Variants in PIWIL3 observed in about 807,000 individuals in gnomAD.
PIWIL3 encodes the protein piwi like RNA-mediated gene silencing 3, also known as piwi-like protein 3.
A neutral mutation model predicts 109.7 loss-of-function variants in PIWIL3; 101 were observed. That is an observed-to-expected ratio of 0.92 (90% CI 0.78 to 1.09). The LOEUF is 1.09. PIWIL3 is among the 50% of genes least tolerant of loss of function. The pLI, the probability that PIWIL3 is intolerant of heterozygous loss-of-function variation, is 0.00. For missense variants in PIWIL3, 1,031 were observed against 1,072.6 expected (o/e 0.96, Z 0.54); for synonymous variants, 373 against 376.4 (o/e 0.99, Z 0.10).
chr22:24,721,328 T>G (rs908613935), intron 19 of PIWIL3, among the ~76,000 whole-genome samples: 1 of 152,226 alleles, frequency 6.6e-6, no homozygotes, highest in African/African-American at 2.4e-5. Flanking sequence ...TAAATTTTCT[T>G]ATGCCTGCTG....
chr22:24,719,074 C>CA lies in PIWIL3; in HGVS notation c.*397dup, dbSNP rs998442356. The CA allele has an allele frequency of 1.4e-4, 21 of 152,996 alleles. No homozygotes were observed. The highest frequency in any genetic ancestry group is 2.6e-4 in the Admixed American group (4 of 15,416). The allele number at this position is 152,996 out of a possible 1,614,324, so 9.5% of individuals were successfully genotyped here. A position where few individuals can be genotyped will look rare whatever the true frequency, so the allele number is the denominator to read the frequency against. ...TATGTCTTCCTTTCCTGTCCTTTAA[C>CA]AAAAAAAAGTTTCAAAAATAAAGTA... On this transcript the variant is annotated 3_prime_UTR_variant, in exon 21 of 21. Transcript: ENST00000616349.
rs1012208639 is a variant in PIWIL3, at chr22:24,735,822, A to G, written c.1520T>C (p.Leu507Pro). Residue 507 changes from leucine to proline, a missense_variant, in exon 13 of 21, where the codon CTA becomes CCA. Leu to Pro is a moderately conservative substitution (Grantham distance 98). Coordinates refer to ENST00000616349, the MANE Select transcript of PIWIL3 (RefSeq NM_001255975.1). ...RELPLLNAMPLHSWLILYSRS... is the reference protein window; with the variant it reads ...RELPLLNAMPPHSWLILYSRS... The stretch of plus-strand genomic sequence containing the variant: ...GCTATAGAGTATGAGCCAACTATGT[A>G]GTGGCATTGCATTAAGTAAGGGTAA... 6.2e-7 allele frequency: 1 copy of G among 1,613,448 alleles called. No homozygotes were observed. Among genetic ancestry groups the G allele is most frequent in the Non-Finnish European group, 8.5e-7 (1 of 1,179,428 alleles).
intron 1 of PIWIL3, among the ~76,000 whole-genome samples, chr22:24,765,655 G>T (rs1226254002): frequency 1.3e-5 from 2 of 151,938 alleles, no homozygotes. Context: ...ATCATCCTTT[G>T]TTCTGAGCAT....
In PIWIL3 at chr22:24,754,867, G is replaced by A. The variant is rs1350114269; in HGVS notation, c.693-3C>T. The A allele has an allele frequency of 6.2e-7, 1 of 1,609,828 alleles. No individual in the cohort carries two copies. The highest frequency in any genetic ancestry group is 8.5e-7 in the Non-Finnish European group (1 of 1,176,362). Reference sequence around the variant, plus strand: ...CAAAATCCAGCAGCTTGAAAGTTCTGGAAATGGAAAGAATAGATTTTGTTG... The same window carrying A: ...CAAAATCCAGCAGCTTGAAAGTTCTAGAAATGGAAAGAATAGATTTTGTTG... On this transcript the variant is annotated splice_region_variant and splice_polypyrimidine_tract_variant and intron_variant, in intron 6 of 20. Coordinates refer to ENST00000616349, the MANE Select transcript of PIWIL3 (RefSeq NM_001255975.1).
chr22:24,737,882 C>A (rs965369053), intron 12 of PIWIL3, among the ~76,000 whole-genome samples: 1 of 152,084 alleles, frequency 6.6e-6, no homozygotes, highest in Non-Finnish European at 1.5e-5. Flanking sequence ...AGAAGGGGGC[C>A]GGGCGCGGTG....
intron 1 of PIWIL3, among the ~76,000 whole-genome samples, chr22:24,764,559 C>T (rs1925671058): frequency 3.3e-5 from 5 of 151,232 alleles, no homozygotes; most frequent in Non-Finnish European, 1.5e-5. Context: ...AAATAAAAAA[C>T]CTTGTCTCTT....
At chr22:24,754,541 T>C (rs938785644) in intron 7 of PIWIL3, among the ~76,000 whole-genome samples, 2 of 152,214 alleles carry the variant, frequency 1.3e-5, no homozygotes, top group African/African-American at 2.4e-5. Flanking sequence ...TTTTGGATGA[T>C]TGTTTAGGCT....
intron 4 of PIWIL3, among the ~76,000 whole-genome samples, chr22:24,757,637 C>CACACACACACACACACAT (rs371066474): frequency 7.3e-5 from 9 of 122,812 alleles, no homozygotes; most frequent in Admixed American, 1.6e-4. Flanking sequence ...CACACACACA[C>CACACACACACACACACAT]ATATATAAAA....
chr22:24,770,003 T>C (rs1451425125), intron 1 of PIWIL3, among the ~76,000 whole-genome samples: 1 of 152,206 alleles, frequency 6.6e-6, no homozygotes, highest in African/African-American at 2.4e-5. Flanking sequence ...CAAAAAAAAG[T>C]GTTTGTATAT....
intron 14 of PIWIL3, among the ~76,000 whole-genome samples, chr22:24,731,720 C>G (rs1184008843): frequency 2.6e-5 from 4 of 151,848 alleles, no homozygotes; most frequent in Non-Finnish European, 5.9e-5. Flanking sequence ...AGACATATAG[C>G]TTAGAAGGTA....
At chr22:24,736,498 T>G (rs1923664030) in intron 12 of PIWIL3, among the ~76,000 whole-genome samples, 1 of 152,210 alleles carries the variant, frequency 6.6e-6, no homozygotes, top group African/African-American at 2.4e-5. Context: ...TTCCAAGGAA[T>G]GACACTTGAG....
chr22:24,770,952 A>G (rs1274882945), intron 1 of PIWIL3, among the ~76,000 whole-genome samples: 1 of 152,056 alleles, frequency 6.6e-6, no homozygotes, highest in Non-Finnish European at 1.5e-5. Flanking sequence ...GATAAGCTAC[A>G]CCTCAGCCAG....
At chr22:24,763,821 C>T (rs1925606073) in intron 1 of PIWIL3, among the ~76,000 whole-genome samples, 1 of 151,920 alleles carries the variant, frequency 6.6e-6, no homozygotes, top group African/African-American at 2.4e-5. Context: ...CTCCGCCCAC[C>T]ATCTCCTGCC....
At chr22:24,727,523 C>A (rs1477446577) in intron 16 of PIWIL3, among the ~76,000 whole-genome samples, 2 of 152,150 alleles carry the variant, frequency 1.3e-5, no homozygotes, top group Admixed American at 1.3e-4. Flanking sequence ...AAACCAGGGA[C>A]CTCTGTCATC....
chr22:24,742,742 A>G (rs562546247), intron 12 of PIWIL3, among the ~76,000 whole-genome samples: 4 of 152,358 alleles, frequency 2.6e-5, no homozygotes, highest in African/African-American at 7.2e-5. Flanking sequence ...TTATACAAAC[A>G]TCAACTCAAG....
chr22:24,747,936 T>TA (rs1374740563), intron 12 of PIWIL3, among the ~76,000 whole-genome samples: 1 of 152,176 alleles, frequency 6.6e-6, no homozygotes, highest in African/African-American at 2.4e-5. Context: ...CCTAGGCATA[T>TA]AGCCAAAATA....
intron 1 of PIWIL3, among the ~76,000 whole-genome samples, chr22:24,771,189 G>A (rs567043550): frequency 1.3e-5 from 2 of 151,856 alleles, no homozygotes; most frequent in African/African-American, 2.4e-5. Flanking sequence ...CCGGCCGGGC[G>A]CGGTGGCTGA....
chr22:24,750,443 ATAAG>A (rs1034875363), intron 9 of PIWIL3, among the ~76,000 whole-genome samples: 4 of 150,680 alleles, frequency 2.7e-5, no homozygotes, highest in Non-Finnish European at 4.4e-5. Flanking sequence ...AGATTTCTAG[ATAAG>A]TAATATTTTC....
intron 5 of PIWIL3, among the ~76,000 whole-genome samples, 193 bp from the exon 6 acceptor site, chr22:24,756,098 G>A (rs1452262026): frequency 2.0e-5 from 3 of 152,094 alleles, no homozygotes; most frequent in Admixed American, 1.3e-4. Context: ...TATTTAAGTC[G>A]AAATATTTTA....
Sources: allele counts gnomAD v4.1 joint callset (sites outside exome capture counted in the v4.1 genomes callset), GRCh38; gene constraint gnomAD v4.1.1; transcripts MANE v1.5; gene names NCBI Gene and HGNC (gene_info 2026-07-23, HGNC 2026-07-21).